Variants in UBE3D observed in about 807,000 individuals in gnomAD.
UBE3D encodes the protein ubiquitin protein ligase E3D.
In UBE3D, 48 loss-of-function variants were observed where a neutral mutation model predicts 49.6. That is an observed-to-expected ratio of 0.97 (90% CI 0.77 to 1.23). UBE3D has a LOEUF of 1.23. Ranked by LOEUF, UBE3D falls within the 50% of genes most tolerant of loss-of-function variation. The pLI, the probability that UBE3D is intolerant of heterozygous loss-of-function variation, is 0.00. For missense variants in UBE3D, 452 were observed against 468.4 expected (o/e 0.96, Z 0.32); for synonymous variants, 189 against 174.2 (o/e 1.08, Z -0.67).
chr6:82,967,565 T>C (rs945136805), intron 8 of UBE3D, among the ~76,000 whole-genome samples: 2 of 152,198 alleles, frequency 1.3e-5, no homozygotes, highest in Admixed American at 1.3e-4. Flanking sequence ...TAGAATCATA[T>C]AATATGTAGT....
At chr6:82,934,226 T>C (rs1483921959) in intron 9 of UBE3D, among the ~76,000 whole-genome samples, 1 of 152,180 alleles carries the variant, frequency 6.6e-6, no homozygotes, top group Non-Finnish European at 1.5e-5. Context: ...GATTATAAAT[T>C]TCCTGAGACC....
chr6:83,004,510 T>C (rs892135273), intron 8 of UBE3D, among the ~76,000 whole-genome samples: 3 of 152,172 alleles, frequency 2.0e-5, no homozygotes, highest in Admixed American at 1.3e-4. Flanking sequence ...CACTGCAAAG[T>C]CAGTGTACCC....
At chr6:83,042,621 T>C (rs1403239971) in intron 4 of UBE3D, among the ~76,000 whole-genome samples, 1 of 152,180 alleles carries the variant, frequency 6.6e-6, no homozygotes. Context: ...AGTCAATATA[T>C]CTGAGACACC....
chr6:82,956,071 G>C (rs1776137748), intron 9 of UBE3D, among the ~76,000 whole-genome samples: 1 of 152,194 alleles, frequency 6.6e-6, no homozygotes, highest in East Asian at 1.9e-4. Flanking sequence ...TAAGATTGGA[G>C]CAGTTTTTTT....
chr6:82,886,848 A>G, the UBE3D span, among the ~76,000 whole-genome samples: 1 of 152,204 alleles, frequency 6.6e-6, no homozygotes, highest in Admixed American at 6.5e-5. Flanking sequence ...ATCACTTTTC[A>G]GATGGTATTG....
chr6:82,996,398 T>C (rs902728943), intron 8 of UBE3D, among the ~76,000 whole-genome samples: 1 of 152,012 alleles, frequency 6.6e-6, no homozygotes, highest in Non-Finnish European at 1.5e-5. Context: ...AAAATAAATA[T>C]ACATGAGTCC....
intron 8 of UBE3D, among the ~76,000 whole-genome samples, chr6:82,986,582 TTC>T (rs1778523972): frequency 6.7e-6 from 1 of 150,176 alleles, no homozygotes; most frequent in East Asian, 1.9e-4. Flanking sequence ...GCATTTTAAT[TTC>T]TGTGTTATTG....
chr6:82,921,103 C>G (rs1286921026), intron 9 of UBE3D, among the ~76,000 whole-genome samples: 1 of 151,930 alleles, frequency 6.6e-6, no homozygotes, highest in African/African-American at 2.4e-5. Context: ...CTACAGGTGC[C>G]CACCACCATG....
chr6:82,965,693 G>A (rs1776870335), intron 8 of UBE3D, among the ~76,000 whole-genome samples: 1 of 151,754 alleles, frequency 6.6e-6, no homozygotes, highest in Non-Finnish European at 1.5e-5. Flanking sequence ...ATAATTAGAA[G>A]TCTATCTAAA....
chr6:82,901,724 A>G (rs1771752053), intron 9 of UBE3D, among the ~76,000 whole-genome samples: 1 of 152,198 alleles, frequency 6.6e-6, no homozygotes, highest in Admixed American at 6.5e-5. Context: ...GTGCCCAAAA[A>G]TCTTTTCAAA....
chr6:82,959,578 GCTTTCTTCAACCACCTGGCCCA>G (rs1361263048), intron 8 of UBE3D, among the ~76,000 whole-genome samples: 1 of 151,748 alleles, frequency 6.6e-6, no homozygotes, highest in Non-Finnish European at 1.5e-5. Flanking sequence ...CTCCCACATA[GCTTTCTTCAACCACCTGGCCCA>G]CTTCCTTCAA....
intron 2 of UBE3D, among the ~76,000 whole-genome samples, chr6:83,057,557 C>T (rs1006555372): frequency 5.9e-5 from 9 of 152,128 alleles, no homozygotes; most frequent in African/African-American, 2.2e-4. Flanking sequence ...ATTAAAGAAA[C>T]AAGGCAGTGG....
At chr6:83,015,847 T>C (rs1016958410) in intron 8 of UBE3D, among the ~76,000 whole-genome samples, 2 of 152,192 alleles carry the variant, frequency 1.3e-5, no homozygotes, top group Non-Finnish European at 2.9e-5. Context: ...GAAAGGTTGA[T>C]GACAGCATGG....
chr6:82,924,863 T>C (rs996075673), intron 9 of UBE3D: 8 of 152,182 alleles, frequency 5.3e-5, no homozygotes, highest in African/African-American at 1.9e-4. Flanking sequence ...TTAGAATCTT[T>C]GTTGGCTTTC....
At chr6:82,903,929 A>C (rs1771915454) in intron 9 of UBE3D, among the ~76,000 whole-genome samples, 1 of 152,180 alleles carries the variant, frequency 6.6e-6, no homozygotes, top group African/African-American at 2.4e-5. Context: ...TTTTAGCCAC[A>C]TGGAAGGCAA....
At chr6:82,931,060 C>T (rs899267130) in intron 9 of UBE3D, among the ~76,000 whole-genome samples, 1 of 152,214 alleles carries the variant, frequency 6.6e-6, no homozygotes, top group East Asian at 1.9e-4. Context: ...GCCCCGCATC[C>T]TAGCTGCTCC....
chr6:82,911,832 G>A (rs1258505872), intron 9 of UBE3D, among the ~76,000 whole-genome samples: 1 of 152,160 alleles, frequency 6.6e-6, no homozygotes, highest in Non-Finnish European at 1.5e-5. Context: ...GGGAGGAGCT[G>A]ATTATCTACC....
At chr6:82,905,644 C>T (rs1772047446) in intron 9 of UBE3D, among the ~76,000 whole-genome samples, 1 of 152,062 alleles carries the variant, frequency 6.6e-6, no homozygotes, top group Admixed American at 6.6e-5. Context: ...ATGTTTGGGG[C>T]AGGTTAGATC....
At chr6:82,901,147 T>A (rs1168809080) in intron 9 of UBE3D, among the ~76,000 whole-genome samples, 2 of 152,216 alleles carry the variant, frequency 1.3e-5, no homozygotes, top group African/African-American at 4.8e-5. Context: ...GTATAGCTGT[T>A]TTGTGAAATA....
Sources: gnomAD v4.1 joint callset for allele counts (sites outside exome capture counted in the v4.1 genomes callset) on GRCh38, gnomAD v4.1.1 for gene constraint, MANE v1.5 for transcripts, NCBI Gene and HGNC (gene_info 2026-07-23, HGNC 2026-07-21) for gene names.